Variants in DDC observed in about 807,000 individuals in gnomAD.
DDC encodes the protein aromatic-L-amino-acid decarboxylase.
In DDC, 43 loss-of-function variants were observed where a neutral mutation model predicts 60.0. That is an observed-to-expected ratio of 0.72 (90% CI 0.56 to 0.92). The LOEUF is 0.92. DDC is among the 40% of genes least tolerant of loss of function. DDC has a pLI of 0.00. For missense variants in DDC, 573 were observed against 620.2 expected (o/e 0.92, Z 0.81); for synonymous variants, 232 against 234.6 (o/e 0.99, Z 0.10).
chr7:50,519,441 T>A (rs538197701), intron 6 of DDC, among the ~76,000 whole-genome samples: 1 of 152,338 alleles, frequency 6.6e-6, no homozygotes, highest in East Asian at 1.9e-4. Flanking sequence ...TACTTGCACA[T>A]GCATGTTTAA....
intron 4 of DDC, among the ~76,000 whole-genome samples, chr7:50,537,017 A>G (rs1199180075): frequency 2.0e-5 from 3 of 147,654 alleles, no homozygotes; most frequent in Non-Finnish European, 4.5e-5. Context: ...AATATAGTTC[A>G]TATTCCATGC....
At chr7:50,526,888 T>C (rs1315064274) in intron 6 of DDC, among the ~76,000 whole-genome samples, 1 of 152,204 alleles carries the variant, frequency 6.6e-6, no homozygotes, top group African/African-American at 2.4e-5. Context: ...CATCTCCTAG[T>C]GATAAACGAT....
chr7:50,487,542 A>C (rs954223846), intron 9 of DDC, among the ~76,000 whole-genome samples: 1 of 152,026 alleles, frequency 6.6e-6, no homozygotes, highest in African/African-American at 2.4e-5. Context: ...GTCTGTATTG[A>C]TATATCATGG....
At chr7:50,563,739 C>T (rs528016323) in intron 1 of DDC, among the ~76,000 whole-genome samples, 1 of 152,074 alleles carries the variant, frequency 6.6e-6, no homozygotes, top group African/African-American at 2.4e-5. Context: ...GTAGCTGGGA[C>T]TACAGGTGCA....
intron 7 of DDC, among the ~76,000 whole-genome samples, chr7:50,499,568 A>G (rs2043203446): frequency 6.6e-6 from 1 of 152,056 alleles, no homozygotes; most frequent in African/African-American, 2.4e-5. Context: ...CTCCAGTGAC[A>G]CCACCCTTTC....
intron 4 of DDC, among the ~76,000 whole-genome samples, chr7:50,530,349 C>T (rs2153546277): frequency 6.6e-6 from 1 of 152,232 alleles, no homozygotes; most frequent in African/African-American, 2.4e-5. Flanking sequence ...GAGAAGGTGG[C>T]CATCTGCAAG....
intron 1 of DDC, among the ~76,000 whole-genome samples, chr7:50,551,081 A>C (rs1226805086): frequency 6.6e-6 from 1 of 152,164 alleles, no homozygotes; most frequent in African/African-American, 2.4e-5. Context: ...TTTAGAACAA[A>C]TTCTTCTAGA....
intron 5 of DDC, 87 bp downstream of exon 5, chr7:50,529,121 G>T: frequency 6.5e-7 from 1 of 1,548,698 alleles, no homozygotes; most frequent in Non-Finnish European, 8.9e-7. Flanking sequence ...AGATTTGGAA[G>T]GATGCTGTTT....
At chr7:50,527,036 C>T (rs534173222) in intron 6 of DDC, among the ~76,000 whole-genome samples, 14 of 148,832 alleles carry the variant, frequency 9.4e-5, no homozygotes, top group African/African-American at 3.4e-4. Context: ...TAACATACCT[C>T]TCTTGGCAAC....
chr7:50,494,626 G>T (rs1307987935), intron 9 of DDC, among the ~76,000 whole-genome samples: 3 of 151,068 alleles, frequency 2.0e-5, no homozygotes, highest in Non-Finnish European at 2.9e-5. Flanking sequence ...AGAATTTCCA[G>T]GGAAATTCTT....
rs113483676 is a variant in DDC at position 50,505,779 on chromosome 7, C to T, written c.715-1720G>A. Among the ~76,000 whole-genome samples the T allele has an allele frequency of 2.9e-3, 435 of 152,370 alleles. 3 individuals carry two copies. Among genetic ancestry groups the T allele is most frequent in the African/African-American group, 1.0e-2 (414 of 41,596 alleles). On this transcript the variant is annotated intron_variant, in intron 6 of 14. Coordinates refer to ENST00000444124, the MANE Select transcript of DDC (RefSeq NM_001082971.2). ...GGCGTGGGCCCAAAACAGGTCCTGG[C>T]TGGACTCTGGAAGGGCTCTCTGTGT...
intron 10 of DDC, chr7:50,477,668 G>A (rs947751037): frequency 5.3e-6 from 2 of 374,280 alleles, no homozygotes; most frequent in African/African-American, 4.3e-5. Flanking sequence ...TGGCAGTGCT[G>A]GGAGGAGATG....
At chr7:50,491,240 C>CTACTGACAT (rs1239267822) in intron 9 of DDC, among the ~76,000 whole-genome samples, 1 of 152,214 alleles carries the variant, frequency 6.6e-6, no homozygotes, top group Non-Finnish European at 1.5e-5. Flanking sequence ...TCATACCTGC[C>CTACTGACAT]TACTGACATA....
Position 50,470,053 on chromosome 7 carries a change from A to C in DDC, c.1140+20T>G. 1 of 1,498,144 alleles carries C rather than the reference A, an allele frequency of 6.7e-7. No individual in the cohort carries two copies. The highest frequency in any genetic ancestry group is 9.3e-7 in the Non-Finnish European group (1 of 1,074,040). 92.8% of individuals were successfully genotyped at this position (1,498,144 alleles called of 1,614,324 possible). A position where few individuals can be genotyped will look rare whatever the true frequency, so the allele number is the denominator to read the frequency against. ...AGACCTCCGCAATTTTACCGTGATA[A>C]ATAATAAAAACAAAGTCACCTTGCG... On this transcript the variant is annotated intron_variant, in intron 12 of 14. Coordinates refer to ENST00000444124, the MANE Select transcript of DDC (RefSeq NM_001082971.2).
intron 9 of DDC, chr7:50,492,738 T>G: frequency 7.1e-7 from 1 of 1,415,388 alleles, no homozygotes. Context: ...GTGTCCTGTG[T>G]CTCTTCCCTA....
intron 14 of DDC, among the ~76,000 whole-genome samples, chr7:50,462,839 G>A (rs979657554): frequency 2.7e-5 from 4 of 146,390 alleles, no homozygotes; most frequent in East Asian, 2.0e-4. Flanking sequence ...GCGCGATCTC[G>A]GCTCACGGCA....
intron 6 of DDC, among the ~76,000 whole-genome samples, chr7:50,523,178 A>G (rs1038821912): frequency 3.3e-5 from 5 of 152,236 alleles, no homozygotes; most frequent in Non-Finnish European, 7.3e-5. Context: ...TCATAGACCT[A>G]CATCTATTTT....
intron 14 of DDC, among the ~76,000 whole-genome samples, chr7:50,460,662 G>T (rs1378181470): frequency 1.3e-5 from 2 of 151,624 alleles, no homozygotes; most frequent in Admixed American, 6.6e-5. Flanking sequence ...TGTCTGTGTA[G>T]AAAGAGGTAG....
intron 11 of DDC, among the ~76,000 whole-genome samples, chr7:50,474,654 C>A (rs1170796445): frequency 6.6e-6 from 1 of 152,196 alleles, no homozygotes; most frequent in East Asian, 1.9e-4. Flanking sequence ...CATAAGCCAG[C>A]ATTGCTGGGG....
Sources: allele counts gnomAD v4.1 joint callset (sites outside exome capture counted in the v4.1 genomes callset), GRCh38; gene constraint gnomAD v4.1.1; transcripts MANE v1.5; gene names NCBI Gene and HGNC (gene_info 2026-07-23, HGNC 2026-07-21).